Variants in UMAD1 observed in about 807,000 individuals in gnomAD.
UMAD1 encodes UBAP1-MVB12-associated (UMA)-domain containing protein 1.
In UMAD1, 8 loss-of-function variants were observed where a neutral mutation model predicts 6.1. The ratio of observed to expected loss-of-function variants is 1.30; its 90% CI spans 0.76 to 2.35. The LOEUF is 2.35. Among genes scored for constraint, UMAD1 ranks in the 30% most tolerant of loss-of-function variants. UMAD1 has a pLI of 0.00. For synonymous variants in UMAD1, 56 were observed against 31.4 expected, an observed-to-expected ratio of 1.78 and a Z score of -2.61; for missense variants, 130 against 78.4, an observed-to-expected ratio of 1.66 and a Z score of -2.49.
At chr7:7,673,680 T>A (rs562763227) in intron 2 of UMAD1, among the ~76,000 whole-genome samples, 2 of 150,134 alleles carry the variant, frequency 1.3e-5, no homozygotes, top group East Asian at 4.0e-4. Context: ...TTCTCCAAGT[T>A]AAATGTGTAA....
intron 2 of UMAD1, among the ~76,000 whole-genome samples, chr7:7,730,477 C>G (rs996745603): frequency 5.9e-5 from 9 of 152,072 alleles, no homozygotes; most frequent in African/African-American, 1.9e-4. Flanking sequence ...TCATCCAGTT[C>G]TCGTCCTTTT....
chr7:7,666,952 C>A (rs985094654), intron 1 of UMAD1, among the ~76,000 whole-genome samples: 1 of 152,148 alleles, frequency 6.6e-6, no homozygotes, highest in Non-Finnish European at 1.5e-5. Flanking sequence ...GGATTGCAGG[C>A]GTGCGCCACC....
chr7:7,724,381 A>G (rs1415321024), intron 2 of UMAD1, among the ~76,000 whole-genome samples: 1 of 152,176 alleles, frequency 6.6e-6, no homozygotes, highest in African/African-American at 2.4e-5. Context: ...CCCCAGGGCC[A>G]GAATGCATAA....
At chr7:7,656,069 A>C (rs993062539) in intron 1 of UMAD1, among the ~76,000 whole-genome samples, 2 of 152,082 alleles carry the variant, frequency 1.3e-5, no homozygotes, top group Admixed American at 1.3e-4. Context: ...TCTCAACCTC[A>C]GGTGATCCGC....
chr7:7,707,144 A>T (rs992440178), intron 2 of UMAD1, among the ~76,000 whole-genome samples: 2 of 152,150 alleles, frequency 1.3e-5, no homozygotes, highest in Non-Finnish European at 2.9e-5. Context: ...TGTGCACATT[A>T]TTTGAGGAGA....
intron 3 of UMAD1, among the ~76,000 whole-genome samples, chr7:7,833,660 G>A (rs1004961002): frequency 1.3e-5 from 2 of 152,090 alleles, no homozygotes; most frequent in Non-Finnish European, 2.9e-5. Flanking sequence ...AGGCAAAGAT[G>A]GCAGGATAGG....
intron 2 of UMAD1, among the ~76,000 whole-genome samples, chr7:7,752,958 G>A (rs1781705792): frequency 6.6e-6 from 1 of 152,096 alleles, no homozygotes; most frequent in Admixed American, 6.5e-5. Flanking sequence ...ACCCTGGTCT[G>A]TAGTTAATGG....
At chr7:7,712,436 A>G (rs1276347057) in intron 2 of UMAD1, among the ~76,000 whole-genome samples, 1 of 152,104 alleles carries the variant, frequency 6.6e-6, no homozygotes, top group Non-Finnish European at 1.5e-5. Context: ...CTTTTGTCAG[A>G]TTTATTCTTA....
At chr7:7,798,730 C>A (rs1782737517) in intron 2 of UMAD1, among the ~76,000 whole-genome samples, 1 of 152,146 alleles carries the variant, frequency 6.6e-6, no homozygotes, top group East Asian at 1.9e-4. Flanking sequence ...CACCAGACCA[C>A]AGAGTCCCCA....
intron 2 of UMAD1, among the ~76,000 whole-genome samples, chr7:7,776,811 A>G (rs1782217343): frequency 6.6e-6 from 1 of 152,212 alleles, no homozygotes; most frequent in South Asian, 2.1e-4. Flanking sequence ...CGTTTTGACT[A>G]GATAATACAT....
intron 2 of UMAD1, among the ~76,000 whole-genome samples, chr7:7,684,910 G>T (rs778401425): frequency 5.3e-5 from 8 of 152,144 alleles, no homozygotes; most frequent in Non-Finnish European, 8.8e-5. Flanking sequence ...TACAACATCT[G>T]TAGGGAAAAC....
chr7:7,666,767 A>G (rs1779469414), intron 1 of UMAD1, among the ~76,000 whole-genome samples: 1 of 151,760 alleles, frequency 6.6e-6, no homozygotes. Context: ...ATTTCCAGGA[A>G]TTTTCTCCCA....
chr7:7,822,307 C>T (rs547196888), intron 3 of UMAD1, among the ~76,000 whole-genome samples: 4 of 151,968 alleles, frequency 2.6e-5, no homozygotes, highest in Admixed American at 2.0e-4. Flanking sequence ...TAAGGTCAGT[C>T]TGTGAAGATA....
chr7:7,869,423 A>G (rs1247521021), intron 3 of UMAD1, among the ~76,000 whole-genome samples: 2 of 152,250 alleles, frequency 1.3e-5, no homozygotes, highest in Non-Finnish European at 2.9e-5. Flanking sequence ...CTTGTTTTCT[A>G]GAAATATGCT....
At chr7:7,673,112 G>A (rs572960569) in intron 1 of UMAD1, among the ~76,000 whole-genome samples, 197 bp from the exon 2 acceptor site, 3 of 152,320 alleles carry the variant, frequency 2.0e-5, no homozygotes, top group Admixed American at 1.3e-4. Context: ...GAACTTCAAA[G>A]GATACAGGAG....
intron 3 of UMAD1, chr7:7,868,392 A>T (rs930957957): frequency 3.3e-5 from 5 of 152,166 alleles, no homozygotes; most frequent in African/African-American, 9.7e-5. Flanking sequence ...TACATGGAAC[A>T]GATTACAGAA....
intron 2 of UMAD1, among the ~76,000 whole-genome samples, chr7:7,739,393 T>C (rs919103072): frequency 7.9e-5 from 12 of 152,226 alleles, no homozygotes; most frequent in African/African-American, 2.9e-4. Context: ...TAACACCTGC[T>C]CTTTTCATGG....
At chr7:7,699,992 T>G (rs567602242) in intron 2 of UMAD1, among the ~76,000 whole-genome samples, 2 of 152,314 alleles carry the variant, frequency 1.3e-5, no homozygotes, top group African/African-American at 2.4e-5. Context: ...ATGAAGTAAG[T>G]GTGGTGATAC....
At chr7:7,691,599 T>C (rs1046809420) in intron 2 of UMAD1, among the ~76,000 whole-genome samples, 3 of 152,224 alleles carry the variant, frequency 2.0e-5, no homozygotes, top group Non-Finnish European at 1.5e-5. Context: ...TTTCAGATCA[T>C]TTTGCTGGGG....
Sources: gnomAD v4.1 joint callset for allele counts (sites outside exome capture counted in the v4.1 genomes callset) on GRCh38, gnomAD v4.1.1 for gene constraint, MANE v1.5 for transcripts, NCBI Gene and HGNC (gene_info 2026-07-23, HGNC 2026-07-21) for gene names.